Variants in FURIN observed in about 807,000 individuals in gnomAD.
FURIN encodes furin, paired basic amino acid cleaving enzyme.
Under a neutral mutation model 89.2 loss-of-function variants are expected in FURIN, and 18 were observed. That is an observed-to-expected ratio of 0.20 (90% CI 0.14 to 0.30). FURIN has a LOEUF of 0.30. Ranked by LOEUF, FURIN falls within the 10% of genes least tolerant of loss-of-function variation. The probability of loss-of-function intolerance (pLI) is 1.00; values close to 1 mark genes in which losing one functional copy is unlikely to be tolerated. For synonymous variants in FURIN, 508 were observed against 466.4 expected (o/e 1.09, Z -1.15); for missense variants, 879 against 1,100.5 (o/e 0.80, Z 2.85).
Position 90,881,949 on chromosome 15 carries a change from T to C in FURIN, c.*71T>C. 8.9e-7 allele frequency: 1 copy of C among 1,127,984 alleles called. No individual in the cohort carries two copies. Among genetic ancestry groups the C allele is most frequent in the Non-Finnish European group, 1.3e-6 (1 of 780,504 alleles). The allele number at this position is 1,127,984 out of a possible 1,614,324, so 69.9% of individuals were successfully genotyped here. On this transcript the variant is annotated 3_prime_UTR_variant, in exon 16 of 16. Transcript: ENST00000268171. This position sits in a 1 kb window ranked among gnomAD's most constrained non-coding sequence, Gnocchi z 4.3. ...TTTTTAATTCACCAAAGTATTTTTT[T>C]ATCTTGGGACTGGGTTTGGACCCCA...
Position 90,876,139 on chromosome 15 carries a change from T to A in FURIN, c.178-116T>A, listed in dbSNP as rs1205549402. The A allele has an allele frequency of 2.4e-6, 2 of 818,514 alleles. No individual in the cohort carries two copies. The highest frequency in any genetic ancestry group is 4.9e-5 in the East Asian group (2 of 41,212). The allele number at this position is 818,514 out of a possible 1,614,324, so 50.7% of individuals were successfully genotyped here. A position where few individuals can be genotyped will look rare whatever the true frequency, so the allele number is the denominator to read the frequency against. ...TGCTGGGTCCCGGACAGGGAGCAGA[T>A]GCCCCGCACCCCCGACCGTGGCGAG... On this transcript the variant is annotated intron_variant, in intron 2 of 15. Coordinates refer to ENST00000268171, the MANE Select transcript of FURIN (RefSeq NM_002569.4). This position sits in a 1 kb window ranked among gnomAD's most constrained non-coding sequence, Gnocchi z 5.0.
Position 90,876,119 on chromosome 15 carries a change from G to C in FURIN, c.178-136G>C. On this transcript the variant is annotated intron_variant, in intron 2 of 15. Coordinates refer to ENST00000268171, the MANE Select transcript of FURIN (RefSeq NM_002569.4). The surrounding 1 kb of genome is among the most constrained non-coding windows in gnomAD (Gnocchi z 5.0). ...TCCTCATGGTCCCCGCATTTTGCTG[G>C]GTCCCGGACAGGGAGCAGATGCCCC... 1 of 780,102 alleles carries C rather than the reference G, an allele frequency of 1.3e-6. No individual in the cohort carries two copies. The highest frequency in any genetic ancestry group is 2.2e-6 in the Non-Finnish European group (1 of 459,626). 48.3% of individuals were successfully genotyped at this position (780,102 alleles called of 1,614,324 possible). A position where few individuals can be genotyped will look rare whatever the true frequency, so the allele number is the denominator to read the frequency against.
In FURIN at chr15:90,877,215, A is replaced by G; in HGVS notation, c.578+4A>G. The G allele has an allele frequency of 6.3e-7, 1 of 1,599,826 alleles. No homozygotes were observed. Among genetic ancestry groups the G allele is most frequent in the African/African-American group, 1.3e-5 (1 of 74,702 alleles). ...ACACACAGATGAATGACAACAGGTAAGAAGTGGCAGGCCCCGGTCTCTGCC... is the reference window on the plus strand; with the variant it reads ...ACACACAGATGAATGACAACAGGTAGGAAGTGGCAGGCCCCGGTCTCTGCC... On this transcript the variant is annotated splice_donor_region_variant and intron_variant, in intron 6 of 15. Coordinates refer to ENST00000268171, the MANE Select transcript of FURIN (RefSeq NM_002569.4).
chr15:90,879,177 T>A (rs1184324842), intron 9 of FURIN, among the ~76,000 whole-genome samples: 1 of 152,184 alleles, frequency 6.6e-6, no homozygotes, highest in Non-Finnish European at 1.5e-5. Flanking sequence ...AAGCCTAGAC[T>A]CTCTCTAAAA....
intron 1 of FURIN, chr15:90,871,728 G>C (rs532519785): frequency 2.2e-4 from 33 of 149,212 alleles, no homozygotes; most frequent in African/African-American, 7.8e-4. Flanking sequence ...TCCGCGGCCC[G>C]GGTGCTCGGG....
At chr15:90,873,108 A>AGTCT (rs1428344986) in intron 1 of FURIN, 1 of 152,278 alleles carries the variant, frequency 6.6e-6, no homozygotes, top group African/African-American at 2.4e-5. Context: ...GGTGAGTCAG[A>AGTCT]GTCTGGGATG....
chr15:90,874,955 CA>C (rs1203691182), intron 1 of FURIN, among the ~76,000 whole-genome samples: 2 of 150,918 alleles, frequency 1.3e-5, no homozygotes, highest in African/African-American at 2.4e-5. Context: ...TCATGGTGAA[CA>C]TTTATTCATT....
At position 90,881,489 on chromosome 15, in the gene FURIN, G is replaced by A. The variant is rs774139084; in HGVS notation, c.1996G>A (p.Ala666Thr). ...LTDCLSCPSH[A>T]SLDPVEQTCS... The stretch of plus-strand genomic sequence containing the variant: ...AGACTGCCTCAGCTGCCCCAGCCAC[G>A]CCTCCTTGGACCCTGTGGAGCAGAC... Residue 666 changes from alanine to threonine, a missense_variant, in exon 16 of 16, where the codon GCC becomes ACC. Physicochemically the swap from Ala to Thr is moderately conservative, Grantham distance 58 (BLOSUM62 0). Coordinates refer to ENST00000268171, the MANE Select transcript of FURIN (RefSeq NM_002569.4). The surrounding 1 kb of genome is among the most constrained non-coding windows in gnomAD (Gnocchi z 4.3). The A allele has an allele frequency of 3.1e-6, 5 of 1,611,852 alleles. No homozygotes were observed. Among genetic ancestry groups the A allele is most frequent in the Admixed American group, 1.7e-5 (1 of 59,968 alleles).
At chr15:90,871,533 CA>C (rs2031294074) in intron 1 of FURIN, 3 of 182 alleles carry the variant, frequency 0.016, no homozygotes, top group Non-Finnish European at 0.024. Flanking sequence ...GCCCGGGCGG[CA>C]TGGGCGGCCG....
rs2031156249 is a variant in FURIN, at chr15:90,868,705, T to A, written c.-166T>A. 1 of 152,202 alleles carries A rather than the reference T, an allele frequency of 6.6e-6. No homozygotes were observed. 9.4% of individuals were successfully genotyped at this position (152,202 alleles called of 1,614,324 possible). On this transcript the variant is annotated 5_prime_UTR_variant, in exon 1 of 16. It removes an upstream start codon present in the reference 5' UTR. Transcript: ENST00000268171. ...GAATCCCAGGTGCTCTGGAGCTGGA[T>A]GGTGAAGTATGGACATGCTTTATTC...
At position 90,876,226 on chromosome 15, in the gene FURIN, C is replaced by G. The variant is rs2031614985; in HGVS notation, c.178-29C>G. ...CTCCCGGGGACTGACAGATGGAAAG[C>G]CCAGCTCAGTCTCCCTGCTCTATTG... On this transcript the variant is annotated intron_variant, in intron 2 of 15. Transcript: ENST00000268171. The surrounding 1 kb of genome is among the most constrained non-coding windows in gnomAD (Gnocchi z 5.0). 1 of 1,451,092 alleles carries G rather than the reference C, an allele frequency of 6.9e-7. No homozygotes were observed. The highest frequency in any genetic ancestry group is 2.3e-5 in the East Asian group (1 of 44,174). The allele number at this position is 1,451,092 out of a possible 1,614,324, so 89.9% of individuals were successfully genotyped here.
chr15:90,873,911 CAGGG>C lies in FURIN; in HGVS notation c.-159-1667_-159-1664del, dbSNP rs756196318. Among the ~76,000 whole-genome samples the C allele has an allele frequency of 6.6e-5, 10 of 152,332 alleles. No homozygotes were observed. The South Asian group carries it at 1.0e-3, about 16-fold the overall frequency. ...GCCTGCAGGGTGGGACTGCAGCAGT[CAGGG>C]AGGCCGGTTGTGTCTAAGGGCAGCT... On this transcript the variant is annotated intron_variant, in intron 1 of 15. Transcript: ENST00000268171.
At position 90,876,462 on chromosome 15, in the gene FURIN, G is replaced by A; in HGVS notation, c.277G>A (p.Val93Ile). 1 of 1,610,444 alleles carries A rather than the reference G, an allele frequency of 6.2e-7. No individual in the cohort carries two copies. The highest frequency in any genetic ancestry group is 8.5e-7 in the Non-Finnish European group (1 of 1,176,730). The change falls in exon 4 of 16, where the codon GTA becomes ATA. Residue 93 changes from valine (V) to isoleucine (I), a missense_variant and splice_region_variant. Physicochemically the swap from Val to Ile is conservative, Grantham distance 29 (BLOSUM62 3). Around this residue, in one of 5 missense-constraint regions of FURIN, gnomAD observed 125 missense variants for 125.0 expected, o/e 1.00. Transcript: ENST00000268171. The surrounding 1 kb of genome is among the most constrained non-coding windows in gnomAD (Gnocchi z 5.0). Reference sequence around the variant, plus strand: ...CCATCTCTCCCTCACTCCCCCACAGGTACAGTGGCTGGAACAGCAGGTGGC... The same window carrying A: ...CCATCTCTCCCTCACTCCCCCACAGATACAGTGGCTGGAACAGCAGGTGGC... ...RHSRLQREPQ[V>I]QWLEQQVAKR...
chr15:90,878,607 C>T (rs937490139), intron 8 of FURIN, among the ~76,000 whole-genome samples, 157 bp from the exon 9 acceptor site: 2 of 152,300 alleles, frequency 1.3e-5, no homozygotes, highest in East Asian at 3.9e-4. Flanking sequence ...CCTAGATAGA[C>T]ATATTTGGAT....
chr15:90,875,656 G>T lies in FURIN; in HGVS notation c.-85G>T. ...CCCACCAGTCAGCCCCGGGCCACAG[G>T]CAGTGAGCAGGCACCTGGGAGCCGA... On this transcript the variant is annotated 5_prime_UTR_variant, in exon 2 of 16. Coordinates refer to ENST00000268171, the MANE Select transcript of FURIN (RefSeq NM_002569.4). The T allele has an allele frequency of 4.0e-6, 5 of 1,256,850 alleles. No homozygotes were observed. Among genetic ancestry groups the T allele is most frequent in the Non-Finnish European group, 4.3e-6 (4 of 925,482 alleles). The allele number at this position is 1,256,850 out of a possible 1,614,324, so 77.9% of individuals were successfully genotyped here. A position where few individuals can be genotyped will look rare whatever the true frequency, so the allele number is the denominator to read the frequency against.
chr15:90,881,894 C>A lies in FURIN; in HGVS notation c.*16C>A. On this transcript the variant is annotated 3_prime_UTR_variant, in exon 16 of 16. Transcript: ENST00000268171. The surrounding 1 kb of genome is among the most constrained non-coding windows in gnomAD (Gnocchi z 4.3). The stretch of plus-strand genomic sequence containing the variant: ...CGCCCTCTGATGAGCCCACTGCCCA[C>A]CCCCTCAAGCCAATCCCCTCCTTGG... 6 of 1,517,954 alleles carry A rather than the reference C, an allele frequency of 4.0e-6. No homozygotes were observed. Among genetic ancestry groups the A allele is most frequent in the Non-Finnish European group, 5.4e-6 (6 of 1,109,016 alleles). 94.0% of individuals were successfully genotyped at this position (1,517,954 alleles called of 1,614,324 possible).
intron 13 of FURIN, 58 bp from the exon 14 acceptor site, chr15:90,880,633 A>C: frequency 1.3e-6 from 2 of 1,559,824 alleles, no homozygotes; most frequent in Non-Finnish European, 1.7e-6. Flanking sequence ...TGTGGGTTAG[A>C]TGTCCCTGGC....
intron 7 of FURIN, 61 bp from the exon 8 acceptor site, chr15:90,878,070 GT>G: frequency 6.5e-7 from 1 of 1,549,700 alleles, no homozygotes; most frequent in South Asian, 1.1e-5. Context: ...GCTCCTTGGG[GT>G]GGGGGCCCTG....
rs2032026444 is a variant in FURIN at position 90,882,309 on chromosome 15, C to G, written c.*431C>G. 5.2e-6 allele frequency: 1 copy of G among 191,570 alleles called. No individual in the cohort carries two copies. Among genetic ancestry groups the G allele is most frequent in the Admixed American group, 5.3e-5 (1 of 18,744 alleles). The allele number at this position is 191,570 out of a possible 1,614,324, so 11.9% of individuals were successfully genotyped here. The stretch of plus-strand genomic sequence containing the variant: ...GGAGATATCTGAGGGAGGAGGCCAC[C>G]TCTCCAAGGGCTTCTGCACCCTCCA... On this transcript the variant is annotated 3_prime_UTR_variant, in exon 16 of 16. Transcript: ENST00000268171.
Sources: gnomAD v4.1 joint callset for allele counts (sites outside exome capture counted in the v4.1 genomes callset) on GRCh38, gnomAD v4.1.1 for gene constraint, gnomAD v4.1.1 regional missense constraint, Gnocchi (gnomAD v3.1) non-coding constraint, MANE v1.5 for transcripts, NCBI Gene and HGNC (gene_info 2026-07-23, HGNC 2026-07-21) for gene names.